The following PLCG2 variants were observed in gnomAD, a reference collection of about 807,000 sequenced individuals.
PLCG2 encodes the protein phospholipase C gamma 2.
A neutral mutation model predicts 175.6 loss-of-function variants in PLCG2; 69 were observed. The ratio of observed to expected loss-of-function variants is 0.39; its 90% CI spans 0.32 to 0.48. PLCG2 has a LOEUF of 0.48. PLCG2 is among the 20% of genes least tolerant of loss of function. The pLI is 0.91. For synonymous variants in PLCG2, 827 were observed against 624.0 expected (o/e 1.33, Z -4.85); for missense variants, 1,798 against 1,650.9 (o/e 1.09, Z -1.54).
At position 81,933,129 on chromosome 16, in the gene PLCG2, A is replaced by C. The variant is rs180813573; in HGVS notation, c.2740-1300A>C. On this transcript the variant is annotated intron_variant, in intron 25 of 32. Transcript: ENST00000564138. ...TCCTGAAATGAAGCTGAGCTGTTCA[A>C]GGTTGCTGTTGGCGGCCTTTGGTCT... 3.1e-3 allele frequency among the ~76,000 whole-genome samples: 475 copies of C among 152,304 alleles called. 1 individual carries two copies. The highest frequency in any genetic ancestry group is 3.3e-3 in the Non-Finnish European group (222 of 68,032).
chr16:81,870,946 T>C lies in PLCG2; in HGVS notation c.648+11T>C. ...GAACAGCAAAAATCGGTAAGATGAT[T>C]CTTGAGCAAGTGATCAAGTGATGTT... On this transcript the variant is annotated intron_variant, in intron 7 of 32. Transcript: ENST00000564138. 3 of 1,449,884 alleles carry C rather than the reference T, an allele frequency of 2.1e-6. No individual in the cohort carries two copies. The highest frequency in any genetic ancestry group is 2.9e-6 in the Non-Finnish European group (3 of 1,040,824). The allele number at this position is 1,449,884 out of a possible 1,614,324, so 89.8% of individuals were successfully genotyped here. A position where few individuals can be genotyped will look rare whatever the true frequency, so the allele number is the denominator to read the frequency against.
chr16:81,951,996 C>T (rs1194155289), intron 31 of PLCG2, among the ~76,000 whole-genome samples: 1 of 151,976 alleles, frequency 6.6e-6, no homozygotes, highest in Non-Finnish European at 1.5e-5. Context: ...TGAACGTAAC[C>T]ACTTCTGTCT....
At chr16:81,753,342 GTTTTT>G (rs34438350) in intron 1 of PLCG2, among the ~76,000 whole-genome samples, 5 of 91,122 alleles carry the variant, frequency 5.5e-5, no homozygotes, top group Non-Finnish European at 8.4e-5. Flanking sequence ...GTCCTGGCAG[GTTTTT>G]TTTTTTTTTT....
chr16:81,932,018 C>T (rs1405309275), intron 25 of PLCG2, among the ~76,000 whole-genome samples: 1 of 152,180 alleles, frequency 6.6e-6, no homozygotes, highest in Non-Finnish European at 1.5e-5. Flanking sequence ...CTGGATCCTC[C>T]TGACAGAAAA....
At chr16:81,938,245 T>C (rs1261181215) in intron 28 of PLCG2, among the ~76,000 whole-genome samples, 1 of 152,034 alleles carries the variant, frequency 6.6e-6, no homozygotes, top group Non-Finnish European at 1.5e-5. Context: ...AATGGAGAAG[T>C]TTTTTCCCTT....
intron 2 of PLCG2, among the ~76,000 whole-genome samples, chr16:81,788,691 C>G (rs1911093012): frequency 6.6e-6 from 1 of 152,192 alleles, no homozygotes; most frequent in Non-Finnish European, 1.5e-5. Flanking sequence ...TTGATGTATC[C>G]TATCATGAGT....
chr16:81,933,559 T>C (rs111617380), intron 25 of PLCG2, among the ~76,000 whole-genome samples: 3 of 151,808 alleles, frequency 2.0e-5, no homozygotes, highest in African/African-American at 7.3e-5. Flanking sequence ...TGGAGAGTAA[T>C]TGTCATGCTG....
At chr16:81,740,957 G>A (rs1909580846) in intron 1 of PLCG2, among the ~76,000 whole-genome samples, 1 of 152,174 alleles carries the variant, frequency 6.6e-6, no homozygotes, top group Non-Finnish European at 1.5e-5. Flanking sequence ...GTGAGACAGT[G>A]AATCTCCCAG....
At chr16:81,938,562 C>A in intron 28 of PLCG2, 1 of 543,028 alleles carries the variant, frequency 1.8e-6, no homozygotes, top group Non-Finnish European at 3.3e-6. Context: ...GTGAGTTTTA[C>A]CTGTTGAGTC....
chr16:81,945,617 C>A (rs1276559085), intron 30 of PLCG2, among the ~76,000 whole-genome samples: 6 of 152,170 alleles, frequency 3.9e-5, no homozygotes, highest in Admixed American at 3.9e-4. Flanking sequence ...CCCCTCAGCC[C>A]CAAATAAAAA....
chr16:81,888,919 G>T (rs1908500809), intron 9 of PLCG2, among the ~76,000 whole-genome samples: 1 of 152,178 alleles, frequency 6.6e-6, no homozygotes, highest in Non-Finnish European at 1.5e-5. Context: ...CAGCGGAGTT[G>T]AGTGGTTGCG....
intron 2 of PLCG2, among the ~76,000 whole-genome samples, chr16:81,830,315 T>G (rs1026717200): frequency 2.6e-5 from 4 of 152,062 alleles, no homozygotes; most frequent in African/African-American, 9.7e-5. Flanking sequence ...TTTCTTCTTC[T>G]TTTTTCTTGA....
chr16:81,778,038 A>ACC (rs1419256744), upstream of PLCG2, among the ~76,000 whole-genome samples: 1 of 82,584 alleles, frequency 1.2e-5, no homozygotes, highest in East Asian at 3.1e-4. Flanking sequence ...AAAACAAAAA[A>ACC]AAAACAAAAA....
intron 25 of PLCG2, among the ~76,000 whole-genome samples, chr16:81,932,364 T>G (rs1910537655): frequency 6.6e-6 from 1 of 152,196 alleles, no homozygotes; most frequent in South Asian, 2.1e-4. Flanking sequence ...CACTGCCTTA[T>G]CATTATATCA....
At chr16:81,915,168 T>G (rs571427908) in intron 19 of PLCG2, among the ~76,000 whole-genome samples, 11 of 152,268 alleles carry the variant, frequency 7.2e-5, no homozygotes, top group Admixed American at 4.6e-4. Flanking sequence ...GGCAGGGTGG[T>G]GGAGGGTGAG....
intron 6 of PLCG2, 152 bp downstream of exon 6, chr16:81,869,450 G>C (rs4889420): frequency 9.5e-6 from 6 of 628,302 alleles, no homozygotes; most frequent in Non-Finnish European, 1.4e-5. Flanking sequence ...GAGGGATCAT[G>C]GACATATCTG....
chr16:81,835,150 C>T (rs781350359), intron 2 of PLCG2, among the ~76,000 whole-genome samples: 6 of 152,192 alleles, frequency 3.9e-5, no homozygotes, highest in Non-Finnish European at 8.8e-5. Context: ...AGCTCCTTGT[C>T]TGCTTTGAGC....
intron 13 of PLCG2, among the ~76,000 whole-genome samples, chr16:81,900,394 A>T (rs1285016194): frequency 6.6e-6 from 1 of 152,242 alleles, no homozygotes; most frequent in Non-Finnish European, 1.5e-5. Context: ...GGGTATGGGG[A>T]AGCTCCTGAA....
chr16:81,770,797 G>A (rs1023216266), intron 2 of PLCG2, among the ~76,000 whole-genome samples: 7 of 152,080 alleles, frequency 4.6e-5, no homozygotes, highest in African/African-American at 9.7e-5. Context: ...GGTGGCTCAC[G>A]CCTGTTATCC....
Sources: gnomAD v4.1 joint callset for allele counts (sites outside exome capture counted in the v4.1 genomes callset) on GRCh38, gnomAD v4.1.1 for gene constraint, MANE v1.5 for transcripts, NCBI Gene and HGNC (gene_info 2026-07-23, HGNC 2026-07-21) for gene names.